The following USP37 variants were observed in gnomAD, a reference collection of about 807,000 sequenced individuals.
USP37 encodes ubiquitin specific peptidase 37, also known as ubiquitin carboxyl-terminal hydrolase 37.
In USP37, 27 loss-of-function variants were observed where a neutral mutation model predicts 124.0. That is an observed-to-expected ratio of 0.22 (90% CI 0.16 to 0.30). USP37 has a LOEUF of 0.30. Ranked by LOEUF, USP37 falls within the 10% of genes least tolerant of loss-of-function variation. The pLI is 1.00. For synonymous variants in USP37, 365 were observed against 388.0 expected (o/e 0.94, Z 0.70); for missense variants, 889 against 1,140.4 (o/e 0.78, Z 3.17).
chr2:218,568,084 T>G (rs1693754008), intron 1 of USP37, 94 bp downstream of exon 1: 1 of 152,258 alleles, frequency 6.6e-6, no homozygotes, highest in Admixed American at 6.5e-5. Context: ...CAGGGCGAAC[T>G]CCAGAGGAGT....
At chr2:218,469,117 TA>T (rs1465243544) in intron 20 of USP37, among the ~76,000 whole-genome samples, 2 of 152,200 alleles carry the variant, frequency 1.3e-5, no homozygotes, top group African/African-American at 2.4e-5. Flanking sequence ...GAATATTTAT[TA>T]AAAGAGGAAA....
intron 20 of USP37, among the ~76,000 whole-genome samples, chr2:218,466,782 T>C (rs1690350179): frequency 2.0e-5 from 3 of 152,300 alleles, no homozygotes; most frequent in South Asian, 2.1e-4. Context: ...TCACCCAGGC[T>C]GGAGTCCAGT....
chr2:218,527,328 C>T (rs1400131317), intron 10 of USP37, among the ~76,000 whole-genome samples: 3 of 152,198 alleles, frequency 2.0e-5, no homozygotes, highest in African/African-American at 7.2e-5. Flanking sequence ...AGCACTTATA[C>T]ACAAGTGTTC....
intron 9 of USP37, among the ~76,000 whole-genome samples, chr2:218,530,310 C>G (rs928558729): frequency 1.8e-4 from 27 of 152,112 alleles, no homozygotes; most frequent in African/African-American, 6.0e-4. Context: ...AGTATACGCT[C>G]GCTCACTTCA....
chr2:218,502,182 T>A (rs1689424653), intron 11 of USP37, among the ~76,000 whole-genome samples: 1 of 151,976 alleles, frequency 6.6e-6, no homozygotes, highest in African/African-American at 2.4e-5. Flanking sequence ...TCAAAACTAC[T>A]GCAGACAAGA....
intron 11 of USP37, among the ~76,000 whole-genome samples, chr2:218,504,698 G>T (rs1689588453): frequency 6.6e-6 from 1 of 151,978 alleles, no homozygotes; most frequent in African/African-American, 2.4e-5. Flanking sequence ...GCCTCCCAAA[G>T]CGCTAGGATT....
At chr2:218,462,742 G>A (rs1299612409) in intron 22 of USP37, among the ~76,000 whole-genome samples, 1 of 151,904 alleles carries the variant, frequency 6.6e-6, no homozygotes, top group Non-Finnish European at 1.5e-5. Context: ...GGGTATAGAT[G>A]ACAAAAATTA....
At position 218,497,787 on chromosome 2, in the gene USP37, C is replaced by G; in HGVS notation, c.1228G>C (p.Val410Leu). ...GCTGTAGCTGAAATGGCATTTTTAA[C>G]CTTCTTGAGTAAATCCTTTTTGGTC... ...SETKKDLLKK[V>L]KNAISATAER... Residue 410 changes from valine (V) to leucine (L), a missense_variant, in exon 13 of 26, where the codon GTT becomes CTT. Transcript: ENST00000258399. 5 of 1,614,126 alleles carry G rather than the reference C, an allele frequency of 3.1e-6. No individual in the cohort carries two copies. The highest frequency in any genetic ancestry group is 4.2e-6 in the Non-Finnish European group (5 of 1,180,010).
chr2:218,483,846 C>T (rs1253694566), intron 16 of USP37, among the ~76,000 whole-genome samples: 1 of 152,126 alleles, frequency 6.6e-6, no homozygotes, highest in Non-Finnish European at 1.5e-5. Flanking sequence ...CAGGAAAGAA[C>T]AAATTCTCTT....
At chr2:218,508,882 T>C (rs1689826320) in intron 11 of USP37, among the ~76,000 whole-genome samples, 1 of 152,248 alleles carries the variant, frequency 6.6e-6, no homozygotes, top group Admixed American at 6.5e-5. Flanking sequence ...TCAAGTAATG[T>C]TGTAAGTTTA....
chr2:218,542,680 T>C (rs1692054856), intron 8 of USP37, among the ~76,000 whole-genome samples: 1 of 152,196 alleles, frequency 6.6e-6, no homozygotes. Context: ...GTTAGCTTCA[T>C]GATAGAATAG....
intron 19 of USP37, among the ~76,000 whole-genome samples, chr2:218,475,106 T>C (rs539463215): frequency 1.3e-5 from 2 of 152,268 alleles, no homozygotes; most frequent in African/African-American, 4.8e-5. Flanking sequence ...GAAATAAGTA[T>C]ATATTTTGTA....
intron 10 of USP37, among the ~76,000 whole-genome samples, chr2:218,518,867 T>A (rs1056247018): frequency 6.6e-6 from 1 of 152,184 alleles, no homozygotes; most frequent in African/African-American, 2.4e-5. Flanking sequence ...CATTTCTAGA[T>A]AGTAAATAGT....
intron 3 of USP37, among the ~76,000 whole-genome samples, 195 bp downstream of exon 3, chr2:218,560,625 C>G (rs978884472): frequency 1.3e-5 from 2 of 152,154 alleles, no homozygotes; most frequent in African/African-American, 4.8e-5. Flanking sequence ...ATGACTTAAG[C>G]AGGCAAAATT....
intron 11 of USP37, among the ~76,000 whole-genome samples, chr2:218,504,217 T>TG (rs1689551632): frequency 6.6e-6 from 1 of 152,214 alleles, no homozygotes; most frequent in Admixed American, 6.5e-5. Flanking sequence ...TCTACTTTAC[T>TG]GGGTATCAGG....
intron 19 of USP37, among the ~76,000 whole-genome samples, chr2:218,475,719 G>C (rs949176659): frequency 1.3e-5 from 2 of 152,042 alleles, no homozygotes; most frequent in African/African-American, 4.8e-5. Flanking sequence ...GACAGGGCAA[G>C]AGTCTGTCTC....
intron 11 of USP37, among the ~76,000 whole-genome samples, chr2:218,508,431 G>A (rs1248220144): frequency 2.6e-5 from 4 of 152,166 alleles, no homozygotes; most frequent in Admixed American, 6.5e-5. Context: ...CACTGAAGAA[G>A]CCTAGAGTAC....
chr2:218,479,211 T>C (rs1329295429), intron 18 of USP37, among the ~76,000 whole-genome samples: 1 of 152,206 alleles, frequency 6.6e-6, no homozygotes, highest in African/African-American at 2.4e-5. Context: ...AAACAACTCC[T>C]ATTCGGTGTC....
intron 16 of USP37, among the ~76,000 whole-genome samples, chr2:218,485,455 CCTTT>C (rs1339316531): frequency 1.4e-4 from 22 of 152,006 alleles, no homozygotes; most frequent in African/African-American, 4.3e-4. Context: ...CACCTGGTCA[CCTTT>C]CTTATGCAAA....
Sources: gnomAD v4.1 joint callset for allele counts (sites outside exome capture counted in the v4.1 genomes callset) on GRCh38, gnomAD v4.1.1 for gene constraint, MANE v1.5 for transcripts, NCBI Gene and HGNC (gene_info 2026-07-23, HGNC 2026-07-21) for gene names.